Variants in SMARCA2 observed in about 807,000 individuals in gnomAD.
SMARCA2 encodes SWI/SNF-related matrix-associated actin-dependent regulator of chromatin subfamily A member 2.
Under a neutral mutation model 199.8 loss-of-function variants are expected in SMARCA2, and 61 were observed. The ratio of observed to expected loss-of-function variants is 0.31; its 90% CI spans 0.25 to 0.38. The LOEUF (loss-of-function observed/expected upper bound fraction) is 0.38, where lower values mean the gene tolerates loss of function less well. Ranked by LOEUF, SMARCA2 falls within the 10% of genes least tolerant of loss-of-function variation. The pLI is 1.00. For missense variants in SMARCA2, 1,344 were observed against 2,012.2 expected, an observed-to-expected ratio of 0.67 and a Z score of 6.35; for synonymous variants, 935 against 732.0, an observed-to-expected ratio of 1.28 and a Z score of -4.48.
intron 1 of SMARCA2, among the ~76,000 whole-genome samples, chr9:2,026,110 G>T (rs1452181307): frequency 6.6e-6 from 1 of 152,156 alleles, no homozygotes; most frequent in Non-Finnish European, 1.5e-5. Context: ...CCTAGAGTTG[G>T]TGGTGACCCT....
chr9:2,161,627 T>G lies in SMARCA2; in HGVS notation c.3982-59T>G, dbSNP rs932250747. The G allele has an allele frequency of 4.2e-6, 5 of 1,185,476 alleles. No homozygotes were observed. Among genetic ancestry groups the G allele is most frequent in the Admixed American group, 4.0e-5 (2 of 49,750 alleles). The allele number at this position is 1,185,476 out of a possible 1,614,324, so 73.4% of individuals were successfully genotyped here. On this transcript the variant is annotated intron_variant, in intron 27 of 33. Transcript: ENST00000349721. The surrounding 1 kb of genome is among the most constrained non-coding windows in gnomAD (Gnocchi z 4.7). ...GAGCTATATATAAATATACACATACTTTTTTTGTCTTGGTTATTCTCTTGT... is the reference window on the plus strand; with the variant it reads ...GAGCTATATATAAATATACACATACGTTTTTTGTCTTGGTTATTCTCTTGT...
chr9:2,106,681 GA>G (rs993357679), intron 23 of SMARCA2, among the ~76,000 whole-genome samples: 12 of 151,800 alleles, frequency 7.9e-5, no homozygotes, highest in African/African-American at 1.5e-4. Flanking sequence ...GACTTTAGGG[GA>G]AAAAAAATCA....
chr9:2,050,147 A>G (rs1217098278), intron 5 of SMARCA2, among the ~76,000 whole-genome samples: 1 of 152,088 alleles, frequency 6.6e-6, no homozygotes, highest in Non-Finnish European at 1.5e-5. Context: ...CTTCTTTTTC[A>G]TTCATAGCAT....
chr9:2,100,167 C>T (rs946488412), intron 21 of SMARCA2, among the ~76,000 whole-genome samples: 2 of 152,190 alleles, frequency 1.3e-5, no homozygotes, highest in Non-Finnish European at 2.9e-5. Flanking sequence ...CTCTCCATTC[C>T]CACAGATGGT....
chr9:2,192,727 G>T lies in SMARCA2; in HGVS notation c.4761G>T (p.Thr1587=). ...AGGAACAGTCAGAAGGAAGTGGGAC[G>T]GATGATGAGTGATCAGTATGGACCT... is the stretch of plus-strand genomic sequence containing the variant. ...DEREQSEGSG[T]DDE The change falls in exon 34 of 34, where the codon ACG becomes ACT. Residue 1587 remains threonine, a synonymous_variant. Transcript: ENST00000349721. 1 of 1,608,854 alleles carries T rather than the reference G, an allele frequency of 6.2e-7. No individual in the cohort carries two copies. Among genetic ancestry groups the T allele is most frequent in the African/African-American group, 1.3e-5 (1 of 74,904 alleles).
chr9:2,128,765 A>G (rs1431980491), intron 27 of SMARCA2, among the ~76,000 whole-genome samples: 1 of 152,214 alleles, frequency 6.6e-6, no homozygotes, highest in African/African-American at 2.4e-5. Flanking sequence ...CAATAAATCC[A>G]CCTTTAGCAG....
At chr9:2,090,753 C>G (rs150063241) in intron 19 of SMARCA2, among the ~76,000 whole-genome samples, 19 of 152,256 alleles carry the variant, frequency 1.2e-4, no homozygotes, top group Non-Finnish European at 1.9e-4. Flanking sequence ...GTAGCCCCCC[C>G]ACATCTCTCT....
intron 4 of SMARCA2, chr9:2,042,746 T>C (rs1011542268): frequency 1.3e-5 from 2 of 152,136 alleles, no homozygotes; most frequent in African/African-American, 2.4e-5. Context: ...TATTACTCAC[T>C]GCTCATGTCT....
chr9:2,146,523 G>A (rs978050557), intron 27 of SMARCA2, among the ~76,000 whole-genome samples: 1 of 152,162 alleles, frequency 6.6e-6, no homozygotes, highest in African/African-American at 2.4e-5. Flanking sequence ...CTGAAAAGGG[G>A]TCCGGATCCA....
intron 5 of SMARCA2, among the ~76,000 whole-genome samples, chr9:2,049,768 G>T (rs1172929645): frequency 6.6e-6 from 1 of 152,202 alleles, no homozygotes; most frequent in East Asian, 1.9e-4. Context: ...AGGGTTAAAT[G>T]AAGTCCCTTA....
intron 1 of SMARCA2, among the ~76,000 whole-genome samples, chr9:2,024,058 A>G (rs375450186): frequency 2.8e-4 from 42 of 152,326 alleles, no homozygotes; most frequent in African/African-American, 8.7e-4. Context: ...TGAGCTGTGA[A>G]AAAAGACAGG....
Position 2,017,762 on chromosome 9 carries a change from C to T in SMARCA2, c.-37+2358C>T, listed in dbSNP as rs1248298308. 6.6e-6 allele frequency: 1 copy of T among 152,332 alleles called. No homozygotes were observed. The highest frequency in any genetic ancestry group is 6.5e-5 in the Admixed American group (1 of 15,290). 9.4% of individuals were successfully genotyped at this position (152,332 alleles called of 1,614,324 possible). On this transcript the variant is annotated intron_variant, in intron 1 of 33. Coordinates refer to ENST00000349721, the MANE Select transcript of SMARCA2 (RefSeq NM_003070.5). The surrounding 1 kb of genome is among the most constrained non-coding windows in gnomAD (Gnocchi z 8.8). ...CCGGCCGCGCCGCCACCCCAAGCTC[C>T]GCGAACCCCGCGCCCCTTTTTGTTC...
chr9:2,058,582 G>A (rs1265165456), intron 8 of SMARCA2, 118 bp downstream of exon 8: 1 of 870,436 alleles, frequency 1.1e-6, no homozygotes, highest in Non-Finnish European at 1.8e-6. Flanking sequence ...AAAAATTTTA[G>A]TAAATTTCTT....
chr9:2,048,242 G>C (rs181316011), intron 5 of SMARCA2, among the ~76,000 whole-genome samples: 1 of 152,120 alleles, frequency 6.6e-6, no homozygotes, highest in Admixed American at 6.5e-5. Flanking sequence ...AACCCAAAAG[G>C]GAGTCCGGCA....
At chr9:2,063,227 C>G (rs1014891819) in intron 9 of SMARCA2, among the ~76,000 whole-genome samples, 1 of 152,202 alleles carries the variant, frequency 6.6e-6, no homozygotes, top group Non-Finnish European at 1.5e-5. Context: ...CTTAGCCCTT[C>G]CTGGTACCTG....
chr9:2,052,957 T>C (rs1586651676), intron 5 of SMARCA2, among the ~76,000 whole-genome samples: 2 of 152,320 alleles, frequency 1.3e-5, no homozygotes, highest in South Asian at 4.1e-4. Flanking sequence ...AAAACTGTAA[T>C]ATTCATTTTT....
chr9:2,111,589 C>A (rs1255043269), intron 24 of SMARCA2, among the ~76,000 whole-genome samples: 4 of 152,040 alleles, frequency 2.6e-5, no homozygotes, highest in Non-Finnish European at 4.4e-5. Flanking sequence ...CTCGTTGAGC[C>A]CTGGTTTTCT....
chr9:2,054,907 A>G (rs1035577666), intron 6 of SMARCA2, among the ~76,000 whole-genome samples, 184 bp downstream of exon 6: 13 of 152,242 alleles, frequency 8.5e-5, no homozygotes, highest in African/African-American at 3.1e-4. Flanking sequence ...TGAACTGCTT[A>G]TTATTCTGGT....
rs559206657 is a variant in SMARCA2, at chr9:2,104,231, C to G, written c.3292+62C>G. Reference sequence around the variant, plus strand: ...ACTGAAAATGAAGGGATAATGGGCACTTAGGTCCAATCTCAGCCAAAAAGA... The same window carrying G: ...ACTGAAAATGAAGGGATAATGGGCAGTTAGGTCCAATCTCAGCCAAAAAGA... On this transcript the variant is annotated intron_variant, in intron 23 of 33. Transcript: ENST00000349721. This position sits in a 1 kb window ranked among gnomAD's most constrained non-coding sequence, Gnocchi z 4.0. The G allele has an allele frequency of 3.1e-5, 44 of 1,437,400 alleles. No individual in the cohort carries two copies. The East Asian group carries it at 8.1e-4, about 27-fold the overall frequency. The allele number at this position is 1,437,400 out of a possible 1,614,324, so 89.0% of individuals were successfully genotyped here.
Sources: allele counts gnomAD v4.1 joint callset (sites outside exome capture counted in the v4.1 genomes callset), GRCh38; gene constraint gnomAD v4.1.1; non-coding constraint Gnocchi (gnomAD v3.1); transcripts MANE v1.5; gene names NCBI Gene and HGNC (gene_info 2026-07-23, HGNC 2026-07-21).